RBFOX1: variants seen among roughly 807,000 people sequenced by gnomAD.
RBFOX1 encodes RNA binding fox-1 homolog 1.
A neutral mutation model predicts 57.7 loss-of-function variants in RBFOX1; 8 were observed. The observed-to-expected ratio is 0.14, with a 90% CI of 0.08 to 0.25. The LOEUF (loss-of-function observed/expected upper bound fraction) is 0.25, where lower values mean the gene tolerates loss of function less well. Among genes scored for constraint, RBFOX1 ranks in the 10% least tolerant of loss-of-function variants. The pLI, the probability that RBFOX1 is intolerant of heterozygous loss-of-function variation, is 1.00. For missense variants in RBFOX1, 611 were observed against 548.5 expected (o/e 1.11, Z -1.14); for synonymous variants, 326 against 222.4 (o/e 1.47, Z -4.15).
At chr16:7,382,509 A>G (rs1278129244) in intron 4 of RBFOX1, among the ~76,000 whole-genome samples, 1 of 152,256 alleles carries the variant, frequency 6.6e-6, no homozygotes, top group Non-Finnish European at 1.5e-5. Context: ...TGACAGTGTT[A>G]CAAAGATAGT....
Position 6,001,916 on chromosome 16 carries a change from T to C in RBFOX1, c.351+134581T>C, listed in dbSNP as rs78585000. 6.4e-3 allele frequency among the ~76,000 whole-genome samples: 973 copies of C among 151,822 alleles called. 16 individuals carry two copies. Among genetic ancestry groups the C allele is most frequent in the African/African-American group, 0.023 (941 of 41,376 alleles). On this transcript the variant is annotated intron_variant, in intron 4 of 19. Coordinates refer to the RBFOX1 transcript ENST00000641259. Reference sequence around the variant, plus strand: ...CCCTATTCTTTACTCCCATGATTACTGTAGGGCTAGAAATTTTCCCTTCAA... The same window carrying C: ...CCCTATTCTTTACTCCCATGATTACCGTAGGGCTAGAAATTTTCCCTTCAA...
chr16:7,653,723 C>G, intron 11 of RBFOX1, 92 bp from the exon 12 acceptor site: 2 of 1,562,864 alleles, frequency 1.3e-6, no homozygotes, highest in Non-Finnish European at 1.7e-6. Flanking sequence ...GGACCCTGTG[C>G]AGGGACAAGG....
chr16:6,465,125 T>C (rs144350300), intron 2 of RBFOX1, among the ~76,000 whole-genome samples: 3 of 152,370 alleles, frequency 2.0e-5, no homozygotes, highest in African/African-American at 7.2e-5. Context: ...CTGCTGATTA[T>C]TATTATTAAT....
chr16:5,952,319 C>G (rs1447800391), intron 4 of RBFOX1, among the ~76,000 whole-genome samples: 1 of 151,754 alleles, frequency 6.6e-6, no homozygotes, highest in Non-Finnish European at 1.5e-5. Context: ...CCTGGTTAAT[C>G]TTTGTATTTT....
In RBFOX1 at chr16:6,930,116, T is replaced by C. The variant is rs564077300; in HGVS notation, c.-15-121941T>C. 2.0e-5 allele frequency among the ~76,000 whole-genome samples: 3 copies of C among 152,270 alleles called. No homozygotes were observed. The East Asian group carries it at 5.8e-4, about 29-fold the overall frequency. ...GGCCTGCTCTTGAATGTTGAGAAGC[T>C]CCATGTGAGCCCCTCAATCTGTGCT... On this transcript the variant is annotated intron_variant, in intron 3 of 15. Coordinates refer to ENST00000550418, the MANE Select transcript of RBFOX1 (RefSeq NM_018723.4).
At chr16:5,887,232 C>G (rs2057920103) in intron 4 of RBFOX1, among the ~76,000 whole-genome samples, 1 of 152,140 alleles carries the variant, frequency 6.6e-6, no homozygotes, top group Non-Finnish European at 1.5e-5. Context: ...TCAGGAATCC[C>G]CCATGCATGG....
intron 2 of RBFOX1, among the ~76,000 whole-genome samples, chr16:6,639,137 A>C (rs995756188): frequency 6.6e-6 from 1 of 152,236 alleles, no homozygotes; most frequent in Non-Finnish European, 1.5e-5. Context: ...AATAGGATGC[A>C]TAAGAATGAT....
chr16:6,611,497 C>T (rs562891884), intron 2 of RBFOX1, among the ~76,000 whole-genome samples: 2 of 152,088 alleles, frequency 1.3e-5, no homozygotes, highest in South Asian at 2.1e-4. Context: ...GAGAGGTCTC[C>T]TTGGATGCTC....
At chr16:7,047,035 T>G (rs2048218219) in intron 3 of RBFOX1, among the ~76,000 whole-genome samples, 1 of 146,498 alleles carries the variant, frequency 6.8e-6, no homozygotes, top group African/African-American at 2.5e-5. Context: ...AGAAAGCTCT[T>G]CATGCAATTT....
intron 4 of RBFOX1, among the ~76,000 whole-genome samples, chr16:7,220,203 G>A (rs1031563646): frequency 1.3e-5 from 2 of 152,130 alleles, no homozygotes; most frequent in African/African-American, 4.8e-5. Context: ...CTTGACATTA[G>A]CAGACAGCAT....
intron 3 of RBFOX1, among the ~76,000 whole-genome samples, chr16:6,902,102 T>A (rs1322378346): frequency 6.6e-6 from 1 of 152,182 alleles, no homozygotes; most frequent in African/African-American, 2.4e-5. Context: ...CTACATAAAA[T>A]CAGGTGTCTT....
chr16:5,308,681 C>T (rs2064002232), intron 1 of RBFOX1, among the ~76,000 whole-genome samples: 1 of 151,048 alleles, frequency 6.6e-6, no homozygotes, highest in Admixed American at 6.6e-5. Context: ...GTAAGATGAC[C>T]TTTTTTTTTC....
At chr16:5,831,917 T>C (rs1323975606) in intron 3 of RBFOX1, among the ~76,000 whole-genome samples, 1 of 152,198 alleles carries the variant, frequency 6.6e-6, no homozygotes, top group Non-Finnish European at 1.5e-5. Flanking sequence ...TTCTACTGCC[T>C]GAAATAGAGT....
At chr16:7,560,601 G>T (rs1354920321) in intron 5 of RBFOX1, among the ~76,000 whole-genome samples, 7 of 150,858 alleles carry the variant, frequency 4.6e-5, no homozygotes, top group Non-Finnish European at 5.9e-5. Flanking sequence ...AATCTAATTT[G>T]TTTCTCTATG....
intron 1 of RBFOX1, among the ~76,000 whole-genome samples, chr16:6,058,573 T>G (rs2095642905): frequency 6.6e-6 from 1 of 151,992 alleles, no homozygotes; most frequent in South Asian, 2.1e-4. Context: ...CCACCATCCA[T>G]GTATTCATCC....
chr16:6,079,962 C>G (rs765296347), intron 1 of RBFOX1, among the ~76,000 whole-genome samples: 5 of 152,144 alleles, frequency 3.3e-5, no homozygotes, highest in East Asian at 1.9e-4. Context: ...CTTTCAAAAC[C>G]CTGATTCTTA....
intron 4 of RBFOX1, among the ~76,000 whole-genome samples, chr16:7,281,746 T>G (rs368307529): frequency 2.7e-4 from 41 of 152,146 alleles, no homozygotes; most frequent in East Asian, 2.3e-3. Flanking sequence ...CGTGGGTTAT[T>G]TATAGTTTGC....
At chr16:7,118,902 GTTC>G (rs1162358356) in intron 4 of RBFOX1, among the ~76,000 whole-genome samples, 1 of 152,126 alleles carries the variant, frequency 6.6e-6, no homozygotes, top group Non-Finnish European at 1.5e-5. Context: ...AACTGTTGTT[GTTC>G]TGGTTATGAT....
chr16:5,796,252 A>G (rs895140942), intron 3 of RBFOX1, among the ~76,000 whole-genome samples: 1 of 152,210 alleles, frequency 6.6e-6, no homozygotes, highest in Non-Finnish European at 1.5e-5. Flanking sequence ...AAGGAAGTGG[A>G]TGTGGCCCAC....
Sources: allele counts gnomAD v4.1 joint callset (sites outside exome capture counted in the v4.1 genomes callset), GRCh38; gene constraint gnomAD v4.1.1; transcripts MANE v1.5; gene names NCBI Gene and HGNC (gene_info 2026-07-23, HGNC 2026-07-21).